Variants in TAF6 observed in about 807,000 individuals in gnomAD.
The protein encoded by TAF6 is transcription initiation factor TFIID subunit 6.
TAF6 carries 50 observed loss-of-function variants against 73.5 expected under a neutral mutation model. That is an observed-to-expected ratio of 0.68 (90% CI 0.54 to 0.86). The LOEUF (loss-of-function observed/expected upper bound fraction) is 0.86, where lower values mean the gene tolerates loss of function less well. TAF6 is among the 40% of genes least tolerant of loss of function. TAF6 has a pLI of 0.00. For missense variants in TAF6, 768 were observed against 899.5 expected (o/e 0.85, Z 1.87); for synonymous variants, 424 against 376.7 (o/e 1.13, Z -1.45).
intron 10 of TAF6, 77 bp downstream of exon 10, chr7:100,111,062 C>T: frequency 1.9e-6 from 3 of 1,544,132 alleles, no homozygotes; most frequent in African/African-American, 1.4e-5. Context: ...CCTCTGCCCC[C>T]TTGTTTCCAG....
At chr7:100,123,646 G>A (rs768589690), upstream of TAF6, among the ~76,000 whole-genome samples, 3 of 151,892 alleles carry the variant, frequency 2.0e-5, no homozygotes, top group East Asian at 2.0e-4. Flanking sequence ...TCAGCCTCCC[G>A]AGTAGCTGGG....
intron 1 of TAF6, among the ~76,000 whole-genome samples, chr7:100,115,029 TGCAGGG>T (rs1276271268): frequency 1.3e-5 from 2 of 152,210 alleles, no homozygotes; most frequent in East Asian, 1.9e-4. Flanking sequence ...GCCAATTTTT[TGCAGGG>T]GCAGGGGCAG....
At chr7:100,124,436 G>A, upstream of TAF6, 6 of 1,163,486 alleles carry the variant, frequency 5.2e-6, no homozygotes, top group Non-Finnish European at 6.4e-6. Flanking sequence ...AATCAGTCAG[G>A]TTGAGCAGGG....
intron 4 of TAF6, 93 bp downstream of exon 4, chr7:100,113,523 C>T: frequency 6.5e-7 from 1 of 1,550,310 alleles, no homozygotes; most frequent in South Asian, 1.2e-5. Context: ...GGATCTCACA[C>T]TGAGCTTTTC....
In TAF6 at chr7:100,108,325, CCT is replaced by C. The variant is rs893198999; in HGVS notation, c.1458+40_1458+41del. 9 of 1,563,704 alleles carry C rather than the reference CCT, an allele frequency of 5.8e-6. No individual in the cohort carries two copies. The African/African-American group carries it at 1.1e-4, about 19-fold the overall frequency. On this transcript the variant is annotated intron_variant, in intron 13 of 14. Transcript: ENST00000453269. ...AGTGCCTGTCCCACACAGGGGTTCT[CCT>C]CTGCTTCCTCCTATTCCTCCTCCCC... is the stretch of plus-strand genomic sequence containing the variant.
chr7:100,107,338 G>A lies in TAF6; in HGVS notation c.1942C>T (p.Gln648Ter). The change falls in exon 15 of 15, where the codon CAG becomes TAG. Residue 648 changes from glutamine (Q) to a stop codon, truncating the protein, a stop_gained. Transcript: ENST00000453269. LOFTEE classifies it high-confidence loss of function. ...LSGSALCGGK[Q>*]EAGDSPPPAP... ...GGAGGGGGACTGTCCCCAGCCTCCT[G>A]CTTCCCCCCACAAAGGGCACTGCCG... 2 of 1,547,260 alleles carry A rather than the reference G, an allele frequency of 1.3e-6. No individual in the cohort carries two copies. The highest frequency in any genetic ancestry group is 1.7e-6 in the Non-Finnish European group (2 of 1,145,994).
rs745911313 is a variant in TAF6, at chr7:100,108,078, G to A, written c.1504C>T (p.Arg502Cys). 61 of 1,611,408 alleles carry A rather than the reference G, an allele frequency of 3.8e-5. No individual in the cohort carries two copies. Among genetic ancestry groups the A allele is most frequent in the Non-Finnish European group, 4.8e-5 (57 of 1,179,368 alleles). The stretch of plus-strand genomic sequence containing the variant: ...GGAACCTTCAGCAAGCCAGGGGTGC[G>A]AGGGCCAGGCTGTGGGGCCTGCGAG... The part of the protein sequence containing the change: ...TLSQAPQPGP[R>C]TPGLLKVPGS... Residue 502 changes from arginine to cysteine, a missense_variant, in exon 14 of 15, where the codon CGC (arginine) becomes TGC (cysteine). Transcript: ENST00000453269.
At chr7:100,121,919 G>C (rs973499574), upstream of TAF6, 4 of 212,832 alleles carry the variant, frequency 1.9e-5, no homozygotes, top group Non-Finnish European at 3.9e-5. Flanking sequence ...GCGTGGTGGT[G>C]GGTGCCTGTA....
At chr7:100,119,693 AC>A (rs754204281), upstream of TAF6, 30 of 1,613,588 alleles carry the variant, frequency 1.9e-5, no homozygotes, top group South Asian at 3.2e-4. Context: ...GACCCACACT[AC>A]CTTCCCGAAG....
upstream of TAF6, chr7:100,122,316 G>C (rs150868896): frequency 5.6e-6 from 9 of 1,613,974 alleles, no homozygotes; most frequent in African/African-American, 9.3e-5. Context: ...GGTCGATCTC[G>C]AGAGGTGCTG....
At chr7:100,125,052 A>G in the TAF6 span, 1 of 746,222 alleles carries the variant, frequency 1.3e-6, no homozygotes. Flanking sequence ...GTGAAACAGC[A>G]TGACATGGCT....
intron 12 of TAF6, 136 bp downstream of exon 12, chr7:100,109,811 TA>T: frequency 7.5e-7 from 1 of 1,341,620 alleles, no homozygotes; most frequent in Non-Finnish European, 1.0e-6. Flanking sequence ...TTTCCATCTG[TA>T]AAATAGTATC....
upstream of TAF6, chr7:100,124,727 T>G (rs749004980): frequency 6.2e-7 from 1 of 1,613,636 alleles, no homozygotes; most frequent in Non-Finnish European, 8.5e-7. Flanking sequence ...CGATCTAGCA[T>G]GTCTACAGGA....
chr7:100,119,336 T>C lies in TAF6; in HGVS notation c.-192A>G, dbSNP rs2116875369. On this transcript the variant is annotated 5_prime_UTR_variant, in exon 1 of 15. Coordinates refer to ENST00000453269, the MANE Select transcript of TAF6 (RefSeq NM_139315.3). ...AGCCGAGACGCTGCTCACCCGGCGC[T>C]CGGCGCCATCTTGGCCCCGCCCCCT... 9.7e-7 allele frequency: 1 copy of C among 1,032,238 alleles called. No homozygotes were observed. 63.9% of individuals were successfully genotyped at this position (1,032,238 alleles called of 1,614,324 possible). A position where few individuals can be genotyped will look rare whatever the true frequency, so the allele number is the denominator to read the frequency against.
chr7:100,110,929 C>G (rs1471618317), intron 10 of TAF6, among the ~76,000 whole-genome samples: 1 of 150,072 alleles, frequency 6.7e-6, no homozygotes, highest in African/African-American at 2.5e-5. Context: ...GTGCGGTCAG[C>G]AGAGATTGCA....
chr7:100,114,350 A>T, intron 1 of TAF6, 82 bp from the exon 2 acceptor site: 1 of 1,378,944 alleles, frequency 7.3e-7, no homozygotes, highest in Non-Finnish European at 1.0e-6. Context: ...CAGTGGAGAC[A>T]GGGGAGGAAC....
Position 100,114,183 on chromosome 7 carries a change from A to T in TAF6, c.27T>A (p.Leu9=). 6.2e-7 allele frequency: 1 copy of T among 1,614,226 alleles called. No individual in the cohort carries two copies. Among genetic ancestry groups the T allele is most frequent in the Non-Finnish European group, 8.5e-7 (1 of 1,180,044 alleles). Residue 9 remains leucine (L), a synonymous_variant, in exon 2 of 15, where the codon CTT becomes CTA. Coordinates refer to ENST00000453269, the MANE Select transcript of TAF6 (RefSeq NM_139315.3). MAEEKKLK[L]SNTVLPSESM... is the part of the protein sequence containing the mutation. Reference sequence around the variant, plus strand: ...ACTCCGAGGGCAGCACAGTGTTGCTAAGCTTCAGCTTCTTCTCCTCAGCCA... The same window carrying T: ...ACTCCGAGGGCAGCACAGTGTTGCTTAGCTTCAGCTTCTTCTCCTCAGCCA...
At position 100,119,215 on chromosome 7, in the gene TAF6, C is replaced by A. The variant is rs1214597885; in HGVS notation, c.-71G>T. On this transcript the variant is annotated 5_prime_UTR_variant, in exon 1 of 15. Coordinates refer to ENST00000453269, the MANE Select transcript of TAF6 (RefSeq NM_139315.3). ...GACACACAACCAACCGTCCTCTTTC[C>A]AGTCCCCACAAGGGACCTTCAAAGG... 3.0e-6 allele frequency: 3 copies of A among 992,432 alleles called. No individual in the cohort carries two copies. The highest frequency in any genetic ancestry group is 3.6e-6 in the Non-Finnish European group (3 of 833,884). The allele number at this position is 992,432 out of a possible 1,614,324, so 61.5% of individuals were successfully genotyped here.
At chr7:100,121,120 T>TACA (rs1798049168), upstream of TAF6, 15 of 33,948 alleles carry the variant, frequency 4.4e-4, no homozygotes, top group Non-Finnish European at 4.3e-4. Context: ...ATATATATTT[T>TACA]TTTTTTTTTT....
Sources: allele counts gnomAD v4.1 joint callset (sites outside exome capture counted in the v4.1 genomes callset), GRCh38; gene constraint gnomAD v4.1.1; transcripts MANE v1.5; gene names NCBI Gene and HGNC (gene_info 2026-07-23, HGNC 2026-07-21).